The following PARD3 variants were observed in gnomAD, a reference collection of about 807,000 sequenced individuals.
PARD3 encodes partitioning defective 3 homolog.
PARD3 carries 75 observed loss-of-function variants against 155.4 expected under a neutral mutation model. The observed-to-expected ratio is 0.48, with a 90% CI of 0.40 to 0.58. The LOEUF is 0.58. PARD3 is among the 20% of genes least tolerant of loss of function. PARD3 has a pLI of 0.00. For missense variants in PARD3, 1,642 were observed against 1,721.7 expected, an observed-to-expected ratio of 0.95 and a Z score of 0.82; for synonymous variants, 576 against 610.5, an observed-to-expected ratio of 0.94 and a Z score of 0.83.
intron 1 of PARD3, among the ~76,000 whole-genome samples, chr10:34,725,782 T>C (rs1253754249): frequency 1.3e-5 from 2 of 152,146 alleles, no homozygotes; most frequent in African/African-American, 4.8e-5. Flanking sequence ...CCAGCTTGGG[T>C]AGCTAACACC....
intron 22 of PARD3, among the ~76,000 whole-genome samples, chr10:34,195,026 G>A (rs34808555): frequency 6.6e-6 from 1 of 152,246 alleles, no homozygotes; most frequent in African/African-American, 2.4e-5. Flanking sequence ...ATATACCAAC[G>A]TAATTTCTCT....
chr10:34,337,366 C>T lies in PARD3; in HGVS notation c.2469G>A (p.Gln823=), dbSNP rs1186381947. The T allele has an allele frequency of 6.2e-7, 1 of 1,603,392 alleles. No individual in the cohort carries two copies. Among genetic ancestry groups the T allele is most frequent in the East Asian group, 2.3e-5 (1 of 44,116 alleles). ...LAFQREGFGR[Q]SMSEKRTKQF... ...GCTTTGTGCGTTTTTCTGACATACT[C>T]TGACGTCCAAATCCTTCTCGTTGAA... Residue 823 remains glutamine, a synonymous_variant, in exon 17 of 25, where the codon CAG becomes CAA. Transcript: ENST00000374788.
At chr10:34,235,255 T>C (rs939707617) in intron 22 of PARD3, among the ~76,000 whole-genome samples, 2 of 152,184 alleles carry the variant, frequency 1.3e-5, no homozygotes, top group African/African-American at 4.8e-5. Context: ...TAGGTTGAAA[T>C]TCCCAACAAA....
intron 22 of PARD3, among the ~76,000 whole-genome samples, chr10:34,171,912 G>A (rs1363466613): frequency 2.4e-5 from 3 of 126,848 alleles, no homozygotes; most frequent in South Asian, 5.2e-4. Flanking sequence ...ACTGAGCCAC[G>A]GCATTCCAGC....
intron 22 of PARD3, among the ~76,000 whole-genome samples, chr10:34,243,620 G>C (rs61840222): frequency 6.6e-6 from 1 of 152,010 alleles, no homozygotes; most frequent in Non-Finnish European, 1.5e-5. Context: ...GATGGATCAC[G>C]AGGTCAGGAG....
At chr10:34,545,570 T>C (rs1447048861) in intron 2 of PARD3, among the ~76,000 whole-genome samples, 1 of 152,228 alleles carries the variant, frequency 6.6e-6, no homozygotes, top group Non-Finnish European at 1.5e-5. Context: ...ATATCCTTTT[T>C]TTGAGATGGA....
intron 5 of PARD3, among the ~76,000 whole-genome samples, chr10:34,409,678 C>A (rs1844854323): frequency 6.6e-6 from 1 of 152,146 alleles, no homozygotes; most frequent in African/African-American, 2.4e-5. Context: ...AAGTGGCCAC[C>A]CTCTAGTTGA....
intron 1 of PARD3, among the ~76,000 whole-genome samples, chr10:34,698,115 T>G (rs2133500720): frequency 6.6e-6 from 1 of 151,968 alleles, no homozygotes; most frequent in South Asian, 2.1e-4. Flanking sequence ...AAATATCAAC[T>G]TTCGTTTCTA....
At chr10:34,759,839 T>C (rs1313430621) in intron 1 of PARD3, among the ~76,000 whole-genome samples, 1 of 152,252 alleles carries the variant, frequency 6.6e-6, no homozygotes, top group Non-Finnish European at 1.5e-5. Context: ...AACTGCCTTA[T>C]GGCTTAATTT....
intron 1 of PARD3, among the ~76,000 whole-genome samples, chr10:34,722,511 C>G (rs2094624842): frequency 6.6e-6 from 1 of 152,110 alleles, no homozygotes; most frequent in Non-Finnish European, 1.5e-5. Context: ...CCAGCCTGGC[C>G]ACTTAATCTC....
intron 21 of PARD3, among the ~76,000 whole-genome samples, chr10:34,276,682 A>C (rs1955898285): frequency 6.6e-6 from 1 of 152,172 alleles, no homozygotes. Flanking sequence ...CAAACTCCTT[A>C]GGATGGAAAA....
At chr10:34,507,550 A>AAAAAACAAAAC (rs1554880675) in intron 3 of PARD3, among the ~76,000 whole-genome samples, 6 of 129,226 alleles carry the variant, frequency 4.6e-5, no homozygotes, top group Admixed American at 7.6e-5. Flanking sequence ...TAAAAAAACA[A>AAAAAACAAAAC]AAAAAAAAAA....
At chr10:34,181,782 C>T (rs184963438) in intron 22 of PARD3, among the ~76,000 whole-genome samples, 269 of 152,190 alleles carry the variant, frequency 1.8e-3, no homozygotes, top group Non-Finnish European at 2.7e-3. Context: ...TTGTGTTTGA[C>T]CTCTATGCAA....
At chr10:34,723,351 C>T (rs2094639650) in intron 1 of PARD3, among the ~76,000 whole-genome samples, 1 of 152,132 alleles carries the variant, frequency 6.6e-6, no homozygotes, top group African/African-American at 2.4e-5. Flanking sequence ...CTTTGATTTA[C>T]ATGTATCCAG....
chr10:34,436,395 T>C (rs2076189594), intron 5 of PARD3, among the ~76,000 whole-genome samples: 1 of 152,176 alleles, frequency 6.6e-6, no homozygotes, highest in Non-Finnish European at 1.5e-5. Flanking sequence ...GGAGATATTT[T>C]AAAGGTATAA....
At chr10:34,558,925 C>A (rs575823815) in intron 2 of PARD3, among the ~76,000 whole-genome samples, 1 of 152,070 alleles carries the variant, frequency 6.6e-6, no homozygotes, top group Admixed American at 6.5e-5. Context: ...CCAGCCTGGG[C>A]GACAGAGTGA....
At chr10:34,603,869 G>A (rs1168086566) in intron 2 of PARD3, among the ~76,000 whole-genome samples, 7 of 152,146 alleles carry the variant, frequency 4.6e-5, no homozygotes. Flanking sequence ...CAGCAACCAA[G>A]GGCACAGTAC....
intron 22 of PARD3, among the ~76,000 whole-genome samples, chr10:34,190,809 T>C (rs1222731072): frequency 6.6e-6 from 1 of 151,886 alleles, no homozygotes; most frequent in Admixed American, 6.6e-5. Flanking sequence ...GGAAAGTGAG[T>C]AGGAGTTTTC....
intron 19 of PARD3, among the ~76,000 whole-genome samples, chr10:34,328,634 C>T (rs1589195210): frequency 6.6e-6 from 1 of 152,270 alleles, no homozygotes; most frequent in East Asian, 1.9e-4. Context: ...CCAGAGATCA[C>T]AACACACCAG....
Sources: allele counts gnomAD v4.1 joint callset (sites outside exome capture counted in the v4.1 genomes callset), GRCh38; gene constraint gnomAD v4.1.1; transcripts MANE v1.5; gene names NCBI Gene and HGNC (gene_info 2026-07-23, HGNC 2026-07-21).